Variants in C8orf74 observed in about 807,000 individuals in gnomAD.
C8orf74 encodes chromosome 8 open reading frame 74.
A neutral mutation model predicts 22.2 loss-of-function variants in C8orf74; 29 were observed. The ratio of observed to expected loss-of-function variants is 1.31; its 90% confidence interval spans 0.97 to 1.78. The LOEUF (loss-of-function observed/expected upper bound fraction) is 1.78, where lower values mean the gene tolerates loss of function less well. Among genes scored for constraint, C8orf74 ranks in the 40% most tolerant of loss-of-function variants. The probability of loss-of-function intolerance (pLI) is 0.00; values close to 1 mark genes in which losing one functional copy is unlikely to be tolerated. For synonymous variants in C8orf74, 255 were observed against 163.1 expected (o/e 1.56, Z -4.30); for missense variants, 515 against 369.9 (o/e 1.39, Z -3.22).
At chr8:10,689,845 A>G (rs1799336771) in intron 2 of C8orf74, 2 of 152,086 alleles carry the variant, frequency 1.3e-5, no homozygotes, top group Admixed American at 1.3e-4. Context: ...TCTTCTCGTC[A>G]TTTTCATGTT....
At position 10,687,554 on chromosome 8, in the gene C8orf74, G is replaced by C. The variant is rs115973667; in HGVS notation, c.242-10045G>C. Among the ~76,000 whole-genome samples, 898 of 142,252 alleles carry C rather than the reference G, an allele frequency of 6.3e-3. 6 individuals carry two copies. The highest frequency in any genetic ancestry group is 0.023 in the African/African-American group (858 of 36,964). 93.3% of individuals were successfully genotyped at this position (142,252 alleles called of 152,430 possible). ...TTGAATCTGGGAGGCGGAGGTTGCA[G>C]TCAGCTGAGTAAGATCGCTCCACTG... On this transcript the variant is annotated intron_variant, in intron 2 of 3. Coordinates refer to ENST00000304519, the MANE Select transcript of C8orf74 (RefSeq NM_001040032.2).
rs535857901 is a variant in C8orf74, at chr8:10,697,499, G to C, written c.242-100G>C. On this transcript the variant is annotated intron_variant, in intron 2 of 3. Transcript: ENST00000304519. ...TTTTTAAAAATGCAGTGGGGACATG[G>C]GCTCTGTGACCAGGCTGTCGGGGTG... is the stretch of plus-strand genomic sequence containing the variant. The C allele has an allele frequency of 2.7e-5, 26 of 978,266 alleles. No homozygotes were observed. The South Asian group carries it at 4.1e-4, about 15-fold the overall frequency. The allele number at this position is 978,266 out of a possible 1,614,324, so 60.6% of individuals were successfully genotyped here.
chr8:10,689,090 GACCTATCAAAAAGC>G (rs1266371736), intron 2 of C8orf74: 1 of 152,230 alleles, frequency 6.6e-6, no homozygotes, highest in African/African-American at 2.4e-5. Context: ...AGACATTTCT[GACCTATCAAAAAGC>G]ACCAGGGCTG....
chr8:10,692,261 C>T (rs1799397194), intron 2 of C8orf74: 1 of 152,416 alleles, frequency 6.6e-6, no homozygotes, highest in African/African-American at 2.4e-5. Context: ...GAAGCAAGAC[C>T]TGGACCCTGC....
In C8orf74 at chr8:10,685,021, A is replaced by G. The variant is rs1448509125; in HGVS notation, c.241+10183A>G. ...GTGATCCACTCCCCACAGGGGGCGG[A>G]GCAAGATGACCCAGATTCCATCATG... On this transcript the variant is annotated intron_variant, in intron 2 of 3. Transcript: ENST00000304519. 2.6e-5 allele frequency among the ~76,000 whole-genome samples: 4 copies of G among 152,252 alleles called. No individual in the cohort carries two copies. In the South Asian group the frequency reaches 8.3e-4, roughly 32 times the overall value.
intron 2 of C8orf74, among the ~76,000 whole-genome samples, chr8:10,680,868 C>G (rs1365339052): frequency 2.0e-5 from 3 of 152,174 alleles, no homozygotes; most frequent in African/African-American, 7.2e-5. Flanking sequence ...CTGTCCGCCT[C>G]CTGGCATTGT....
At chr8:10,692,671 A>ATT (rs539835848) in intron 2 of C8orf74, 2,508 of 144,090 alleles carry the variant, frequency 0.017, 62 homozygotes, top group African/African-American at 0.059. Flanking sequence ...CATGCTGGCT[A>ATT]TTTTTTTTTT....
At chr8:10,678,981 A>T (rs1253628336) in intron 2 of C8orf74, among the ~76,000 whole-genome samples, 1 of 152,172 alleles carries the variant, frequency 6.6e-6, no homozygotes, top group East Asian at 1.9e-4. Context: ...CGAGGGTAGA[A>T]TTCCAGCTGC....
rs1455575854 is a variant in C8orf74 at position 10,697,711 on chromosome 8, C to A, written c.354C>A (p.Phe118Leu). 6.2e-7 allele frequency: 1 copy of A among 1,614,038 alleles called. No individual in the cohort carries two copies. The highest frequency in any genetic ancestry group is 1.1e-5 in the South Asian group (1 of 91,084). The change falls in exon 3 of 4, where the codon TTC becomes TTA. Residue 118 changes from phenylalanine to leucine, a missense_variant. By Grantham distance (22) the Phe-to-Leu change is conservative. Coordinates refer to ENST00000304519, the MANE Select transcript of C8orf74 (RefSeq NM_001040032.2). Reference sequence around the variant, plus strand: ...TCTGTGACTACTTCCACCACACCTTCATCCGCCACTACAAACTCTACCAGT... The same window carrying A: ...TCTGTGACTACTTCCACCACACCTTAATCCGCCACTACAAACTCTACCAGT... ...LALCDYFHHT[F>L]IRHYKLYQYV...
intron 2 of C8orf74, among the ~76,000 whole-genome samples, chr8:10,695,752 T>A (rs981893726): frequency 1.3e-5 from 2 of 152,058 alleles, no homozygotes; most frequent in Non-Finnish European, 2.9e-5. Flanking sequence ...GGAAACCGCA[T>A]AGGGCCCCAT....
At chr8:10,695,853 G>T (rs956960299) in intron 2 of C8orf74, among the ~76,000 whole-genome samples, 1 of 152,188 alleles carries the variant, frequency 6.6e-6, no homozygotes, top group Non-Finnish European at 1.5e-5. Context: ...CTTGCCTACA[G>T]CATGTTACTT....
rs74617296 is a variant in C8orf74, at chr8:10,694,551, G to A, written c.242-3048G>A. Among the ~76,000 whole-genome samples, 6 of 152,308 alleles carry A rather than the reference G, an allele frequency of 3.9e-5. No homozygotes were observed. The East Asian group carries it at 9.7e-4, about 25-fold the overall frequency. ...GAGCAGGTGGGGAATAATCAATTAT[G>A]TATTCCTCCCTTGCTCAGTAAATTG... is the stretch of plus-strand genomic sequence containing the variant. On this transcript the variant is annotated intron_variant, in intron 2 of 3. Coordinates refer to ENST00000304519, the MANE Select transcript of C8orf74 (RefSeq NM_001040032.2).
chr8:10,681,740 A>C (rs1446301120), intron 2 of C8orf74, among the ~76,000 whole-genome samples: 1 of 152,224 alleles, frequency 6.6e-6, no homozygotes, highest in Non-Finnish European at 1.5e-5. Flanking sequence ...AGACAGCTGA[A>C]GCAGGAAGAA....
chr8:10,675,078 T>G (rs1799005234), intron 2 of C8orf74, among the ~76,000 whole-genome samples: 1 of 128,212 alleles, frequency 7.8e-6, no homozygotes, highest in African/African-American at 2.7e-5. Context: ...TCCAAGCTGT[T>G]TGCACAACAG....
chr8:10,672,734 G>T, intron 1 of C8orf74, 21 bp downstream of exon 1: 1 of 1,552,106 alleles, frequency 6.4e-7, no homozygotes, highest in Non-Finnish European at 8.7e-7. Flanking sequence ...AGAAAATGTG[G>T]CTTTTAAACA....
intron 2 of C8orf74, among the ~76,000 whole-genome samples, chr8:10,684,459 G>A (rs148970118): frequency 2.6e-5 from 4 of 152,312 alleles, no homozygotes; most frequent in Middle Eastern, 3.4e-3. Flanking sequence ...GTGGTCCTGA[G>A]CTTGCCCTCT....
intron 2 of C8orf74, among the ~76,000 whole-genome samples, chr8:10,694,816 A>G (rs1304175283): frequency 1.3e-5 from 2 of 152,144 alleles, no homozygotes; most frequent in Non-Finnish European, 2.9e-5. Context: ...TAATGGATGG[A>G]TGAATAGGTG....
At chr8:10,683,025 C>G (rs909946869) in intron 2 of C8orf74, among the ~76,000 whole-genome samples, 4 of 152,248 alleles carry the variant, frequency 2.6e-5, no homozygotes, top group Non-Finnish European at 5.9e-5. Context: ...AGCATCCACC[C>G]AGCTGAGTGA....
chr8:10,698,901 C>CCACACACACACACA (rs59324425), intron 3 of C8orf74, among the ~76,000 whole-genome samples: 1 of 137,522 alleles, frequency 7.3e-6, no homozygotes. Context: ...TACACACACA[C>CCACACACACACACA]CACACACACA....
Sources: gnomAD v4.1 joint callset for allele counts (sites outside exome capture counted in the v4.1 genomes callset) on GRCh38, gnomAD v4.1.1 for gene constraint, MANE v1.5 for transcripts, NCBI Gene and HGNC (gene_info 2026-07-23, HGNC 2026-07-21) for gene names.